PRKCE: variants seen among roughly 807,000 people sequenced by gnomAD.
The protein encoded by PRKCE is protein kinase C epsilon type.
Under a neutral mutation model 85.4 loss-of-function variants are expected in PRKCE, and 16 were observed. That is an observed-to-expected ratio of 0.19 (90% CI 0.13 to 0.28). The LOEUF is 0.28. Ranked by LOEUF, PRKCE falls within the 10% of genes least tolerant of loss-of-function variation. The pLI, the probability that PRKCE is intolerant of heterozygous loss-of-function variation, is 1.00. For synonymous variants in PRKCE, 388 were observed against 371.5 expected (o/e 1.04, Z -0.51); for missense variants, 573 against 975.2 (o/e 0.59, Z 5.49).
intron 2 of PRKCE, among the ~76,000 whole-genome samples, chr2:45,935,477 A>G (rs1384310813): frequency 6.6e-6 from 1 of 152,136 alleles, no homozygotes; most frequent in African/African-American, 2.4e-5. Context: ...TTTCTTTTCC[A>G]AGGTCTTCAT....
chr2:45,962,639 A>C (rs140178538), intron 2 of PRKCE, among the ~76,000 whole-genome samples: 1 of 152,208 alleles, frequency 6.6e-6, no homozygotes, highest in Non-Finnish European at 1.5e-5. Context: ...TTTTCCCAAC[A>C]TTCTCATATC....
chr2:46,181,914 A>C (rs1680012854), intron 14 of PRKCE, among the ~76,000 whole-genome samples: 1 of 152,126 alleles, frequency 6.6e-6, no homozygotes, highest in South Asian at 2.1e-4. Flanking sequence ...AGAGATGGTG[A>C]AGGCATCTCC....
intron 2 of PRKCE, among the ~76,000 whole-genome samples, chr2:45,922,797 G>A (rs960613647): frequency 6.6e-6 from 1 of 152,200 alleles, no homozygotes; most frequent in African/African-American, 2.4e-5. Flanking sequence ...AGTGCAAACG[G>A]GTGTATCTTC....
chr2:45,929,998 A>T (rs550179273), intron 2 of PRKCE, among the ~76,000 whole-genome samples: 2 of 152,372 alleles, frequency 1.3e-5, no homozygotes, highest in Admixed American at 6.5e-5. Flanking sequence ...GAATCATTCA[A>T]TGAATCAATG....
intron 1 of PRKCE, among the ~76,000 whole-genome samples, chr2:45,702,039 A>C (rs1349709548): frequency 2.0e-5 from 3 of 152,126 alleles, no homozygotes; most frequent in African/African-American, 7.2e-5. Context: ...AAATACAAAA[A>C]TTAGCCGGAC....
At chr2:45,706,335 T>C (rs1012477557) in intron 1 of PRKCE, among the ~76,000 whole-genome samples, 1 of 152,178 alleles carries the variant, frequency 6.6e-6, no homozygotes, top group African/African-American at 2.4e-5. Context: ...AGGAAATGAA[T>C]GCATGCTGAT....
intron 2 of PRKCE, among the ~76,000 whole-genome samples, chr2:45,959,862 G>A (rs1486247087): frequency 6.6e-6 from 1 of 152,084 alleles, no homozygotes; most frequent in African/African-American, 2.4e-5. Context: ...TGTGTGTTGT[G>A]GTGTGAGAGG....
At chr2:45,906,023 G>A (rs79838602) in intron 2 of PRKCE, among the ~76,000 whole-genome samples, 11,651 of 152,302 alleles carry the variant, frequency 0.076, 911 homozygotes, top group East Asian at 0.4. Context: ...GGTATGGAGC[G>A]TGGGTTGGTA....
At chr2:45,854,089 G>A (rs1161787772) in intron 2 of PRKCE, among the ~76,000 whole-genome samples, 1 of 152,170 alleles carries the variant, frequency 6.6e-6, no homozygotes, top group East Asian at 1.9e-4. Flanking sequence ...TATAATTGGA[G>A]TCCAGGTTGT....
Position 45,652,224 on chromosome 2 carries a change from A to G in PRKCE, c.124A>G (p.Ile42Val). The G allele has an allele frequency of 4.3e-6, 7 of 1,613,412 alleles. No homozygotes were observed. The highest frequency in any genetic ancestry group is 4.2e-6 in the Non-Finnish European group (5 of 1,179,962). ...GCAGACTTTCCTTCTCGACCCCTAC[A>G]TTGCCCTCAATGTGGACGACTCGCG... ...RPQTFLLDPY[I>V]ALNVDDSRIG... The change falls in exon 1 of 15, where the codon ATT becomes GTT. Residue 42 changes from isoleucine (I) to valine (V), a missense_variant. Ile to Val is a conservative substitution (Grantham distance 29, BLOSUM62 3). Transcript: ENST00000306156. The surrounding 1 kb of genome is among the most constrained non-coding windows in gnomAD (Gnocchi z 7.7).
chr2:46,175,237 A>G (rs553722542), intron 14 of PRKCE, among the ~76,000 whole-genome samples: 3 of 152,294 alleles, frequency 2.0e-5, no homozygotes, highest in African/African-American at 7.2e-5. Context: ...ATATTTGGCT[A>G]TTTGCCTCCA....
At chr2:46,166,999 T>G (rs1367361771) in intron 14 of PRKCE, 1 of 152,172 alleles carries the variant, frequency 6.6e-6, no homozygotes, top group Non-Finnish European at 1.5e-5. Context: ...TCAAAAAGAA[T>G]TATAAACAGG....
At chr2:45,722,238 T>A (rs1021204590) in intron 1 of PRKCE, among the ~76,000 whole-genome samples, 5 of 152,196 alleles carry the variant, frequency 3.3e-5, no homozygotes, top group African/African-American at 9.6e-5. Flanking sequence ...TAATTTAATT[T>A]AGTTTTTATT....
chr2:46,049,188 G>A (rs928645461), intron 10 of PRKCE, among the ~76,000 whole-genome samples: 12 of 152,066 alleles, frequency 7.9e-5, no homozygotes, highest in African/African-American at 2.7e-4. Context: ...TTTCCTAGAC[G>A]TTTCCTTAGC....
At chr2:46,081,094 C>A (rs72806762) in intron 10 of PRKCE, among the ~76,000 whole-genome samples, 58,307 of 151,958 alleles carry the variant, frequency 0.38, 13,144 homozygotes, top group Non-Finnish European at 0.49. Context: ...TGGGCTCAAG[C>A]AACCCTCCCA....
intron 14 of PRKCE, among the ~76,000 whole-genome samples, chr2:46,172,021 G>A (rs1030749563): frequency 9.2e-5 from 14 of 152,220 alleles, no homozygotes; most frequent in Admixed American, 2.0e-4. Context: ...CAGCAGACAC[G>A]TCCCTTGAGT....
chr2:46,084,104 C>T (rs367894666), intron 10 of PRKCE, among the ~76,000 whole-genome samples: 10 of 152,136 alleles, frequency 6.6e-5, no homozygotes, highest in African/African-American at 2.4e-4. Flanking sequence ...CAAGGCAGCC[C>T]ATGTACTTCT....
At chr2:45,975,406 G>A (rs1030816130) in intron 2 of PRKCE, among the ~76,000 whole-genome samples, 4 of 152,092 alleles carry the variant, frequency 2.6e-5, no homozygotes, top group African/African-American at 9.7e-5. Flanking sequence ...CAAGATCAGG[G>A]AGCCAGTATG....
At chr2:45,822,432 C>T (rs960599965) in intron 1 of PRKCE, among the ~76,000 whole-genome samples, 6 of 152,230 alleles carry the variant, frequency 3.9e-5, no homozygotes, top group African/African-American at 1.4e-4. Context: ...GGGGTGCAAA[C>T]CCTCTGGGGT....
Sources: allele counts gnomAD v4.1 joint callset (sites outside exome capture counted in the v4.1 genomes callset), GRCh38; gene constraint gnomAD v4.1.1; non-coding constraint Gnocchi (gnomAD v3.1); transcripts MANE v1.5; gene names NCBI Gene and HGNC (gene_info 2026-07-23, HGNC 2026-07-21).